RBM27: variants seen among roughly 807,000 people sequenced by gnomAD.
RBM27 encodes the protein RNA-binding protein 27.
Under a neutral mutation model 135.3 loss-of-function variants are expected in RBM27, and 22 were observed. The observed-to-expected ratio is 0.16, with a 90% CI of 0.12 to 0.23. The LOEUF (loss-of-function observed/expected upper bound fraction) is 0.23, where lower values mean the gene tolerates loss of function less well. Among genes scored for constraint, RBM27 ranks in the 10% least tolerant of loss-of-function variants. The pLI is 1.00. For missense variants in RBM27, 1,009 were observed against 1,281.0 expected (o/e 0.79, Z 3.24); for synonymous variants, 481 against 442.4 (o/e 1.09, Z -1.10).
At chr5:146,261,017 G>A in intron 12 of RBM27, 119 bp downstream of exon 12, 1 of 976,764 alleles carries the variant, frequency 1.0e-6, no homozygotes, top group South Asian at 1.7e-5. Context: ...GCTAAGTGCT[G>A]TAAATGCCAC....
At chr5:146,242,982 TGGGC>T (rs1757470951) in intron 8 of RBM27, among the ~76,000 whole-genome samples, 1 of 152,134 alleles carries the variant, frequency 6.6e-6, no homozygotes, top group South Asian at 2.1e-4. Context: ...AGATAGCTTT[TGGGC>T]TGGGCATGGT....
At chr5:146,278,459 T>C (rs975002650) in intron 19 of RBM27, among the ~76,000 whole-genome samples, 1 of 152,210 alleles carries the variant, frequency 6.6e-6, no homozygotes, top group Admixed American at 6.5e-5. Flanking sequence ...CCATAGACAA[T>C]TATTGTTACG....
At chr5:146,228,428 C>T (rs933166961) in intron 3 of RBM27, among the ~76,000 whole-genome samples, 3 of 151,408 alleles carry the variant, frequency 2.0e-5, no homozygotes, top group African/African-American at 2.4e-5. Flanking sequence ...ACTACAGGCA[C>T]GTGCCACCAC....
intron 19 of RBM27, among the ~76,000 whole-genome samples, chr5:146,279,425 C>T (rs1199838933): frequency 4.0e-5 from 6 of 149,144 alleles, no homozygotes; most frequent in African/African-American, 1.2e-4. Context: ...CCAGCCTGGG[C>T]GACAGAGTGA....
intron 2 of RBM27, among the ~76,000 whole-genome samples, chr5:146,219,308 T>C (rs1053798807): frequency 2.6e-5 from 4 of 152,250 alleles, no homozygotes; most frequent in Non-Finnish European, 4.4e-5. Context: ...CTTTCCTCTA[T>C]TGAGGCAATG....
At chr5:146,265,423 C>A (rs527319672) in intron 14 of RBM27, among the ~76,000 whole-genome samples, 102 of 152,058 alleles carry the variant, frequency 6.7e-4, no homozygotes, top group African/African-American at 2.3e-3. Context: ...AGGAAAAAAA[C>A]CAAAAAGATA....
intron 6 of RBM27, among the ~76,000 whole-genome samples, chr5:146,232,577 CTT>C (rs993693250): frequency 2.7e-5 from 4 of 148,360 alleles, no homozygotes; most frequent in Non-Finnish European, 4.5e-5. Flanking sequence ...TTTTTTTTCT[CTT>C]TTTTTTTTGA....
intron 8 of RBM27, among the ~76,000 whole-genome samples, chr5:146,246,471 C>T (rs1035145045): frequency 1.3e-5 from 2 of 152,150 alleles, no homozygotes; most frequent in African/African-American, 2.4e-5. Context: ...AATATAAATT[C>T]TGACAGACTG....
At chr5:146,204,010 C>G (rs956370761) in intron 1 of RBM27, among the ~76,000 whole-genome samples, 186 bp downstream of exon 1, 23 of 148,098 alleles carry the variant, frequency 1.6e-4, no homozygotes, top group Non-Finnish European at 2.4e-4. Context: ...GCGCTGGGGA[C>G]GGAGAGGCGC....
At chr5:146,247,683 G>C (rs992492343) in intron 8 of RBM27, among the ~76,000 whole-genome samples, 5 of 152,046 alleles carry the variant, frequency 3.3e-5, no homozygotes, top group Non-Finnish European at 5.9e-5. Flanking sequence ...GTTAGAGCTA[G>C]GTATTTGATA....
chr5:146,270,860 A>C, intron 17 of RBM27, 94 bp from the exon 18 acceptor site: 1 of 761,956 alleles, frequency 1.3e-6, no homozygotes. Context: ...CTCATGTTCC[A>C]AAATACATGT....
At chr5:146,253,543 C>T (rs1040380760) in intron 9 of RBM27, among the ~76,000 whole-genome samples, 1 of 151,438 alleles carries the variant, frequency 6.6e-6, no homozygotes, top group Non-Finnish European at 1.5e-5. Flanking sequence ...ATTCCATGAG[C>T]TGTTTTCAAA....
chr5:146,262,101 T>A (rs572889332), intron 13 of RBM27, among the ~76,000 whole-genome samples: 68 of 152,328 alleles, frequency 4.5e-4, no homozygotes, highest in African/African-American at 1.6e-3. Context: ...TGAGACCTGC[T>A]ATTTTACATC....
At chr5:146,224,456 C>T (rs890980978) in intron 3 of RBM27, among the ~76,000 whole-genome samples, 4 of 152,138 alleles carry the variant, frequency 2.6e-5, no homozygotes, top group East Asian at 3.9e-4. Flanking sequence ...CTTAGGTGGG[C>T]GGATCACCTG....
intron 8 of RBM27, 72 bp downstream of exon 8, chr5:146,237,504 C>G: frequency 1.4e-6 from 2 of 1,480,042 alleles, no homozygotes; most frequent in Non-Finnish European, 1.9e-6. Context: ...CAGTATAACC[C>G]TTTAAAAAAT....
chr5:146,240,642 A>G (rs1220596594), intron 8 of RBM27, among the ~76,000 whole-genome samples: 2 of 152,012 alleles, frequency 1.3e-5, no homozygotes, highest in African/African-American at 4.8e-5. Context: ...CTCTGTTTTA[A>G]ACTCTTACAA....
intron 1 of RBM27, among the ~76,000 whole-genome samples, chr5:146,205,816 C>T (rs1309124142): frequency 1.3e-5 from 2 of 152,212 alleles, no homozygotes; most frequent in East Asian, 3.9e-4. Flanking sequence ...GTCAGGAGTT[C>T]AAGACCAGCC....
Position 146,223,582 on chromosome 5 carries a change from A to G in RBM27, c.303+55A>G, listed in dbSNP as rs541620578. 786 of 1,551,640 alleles carry G rather than the reference A, an allele frequency of 5.1e-4. 9 individuals are homozygous for G. The South Asian group carries it at 9.0e-3, about 18-fold the overall frequency. ...GGGCTTCTTAGATCCTGTCACCAGT[A>G]TCCTTAGTTGGAAGTTGAGCCTTTT... On this transcript the variant is annotated intron_variant, in intron 3 of 20. Coordinates refer to ENST00000265271, the MANE Select transcript of RBM27 (RefSeq NM_018989.2).
intron 1 of RBM27, among the ~76,000 whole-genome samples, chr5:146,215,001 A>G (rs1384936579): frequency 3.3e-5 from 5 of 152,230 alleles, no homozygotes; most frequent in Admixed American, 3.3e-4. Flanking sequence ...CTAACTTGGC[A>G]TATGGTTTTT....
Sources: allele counts gnomAD v4.1 joint callset (sites outside exome capture counted in the v4.1 genomes callset), GRCh38; gene constraint gnomAD v4.1.1; transcripts MANE v1.5; gene names NCBI Gene and HGNC (gene_info 2026-07-23, HGNC 2026-07-21).